GREB1: variants seen among roughly 807,000 people sequenced by gnomAD.
GREB1 encodes the protein protein GREB1.
In GREB1, 106 loss-of-function variants were observed where a neutral mutation model predicts 200.7. That is an observed-to-expected ratio of 0.53 (90% CI 0.45 to 0.62). GREB1 has a LOEUF of 0.62. Ranked by LOEUF, GREB1 falls within the 20% of genes least tolerant of loss-of-function variation. The pLI is 0.00. For missense variants in GREB1, 2,243 were observed against 2,556.8 expected (o/e 0.88, Z 2.65); for synonymous variants, 1,132 against 1,092.4 (o/e 1.04, Z -0.72).
intron 11 of GREB1, among the ~76,000 whole-genome samples, chr2:11,594,495 C>T (rs1681028305): frequency 6.6e-6 from 1 of 151,852 alleles, no homozygotes; most frequent in African/African-American, 2.4e-5. Context: ...GCTGGGACTA[C>T]AGGCGTGCAC....
At chr2:11,488,791 CA>C (rs11288876) in intron 1 of GREB1, among the ~76,000 whole-genome samples, 69,171 of 82,776 alleles carry the variant, frequency 0.84, 28,423 homozygotes, top group Middle Eastern at 0.97. Context: ...AACTCCGTCT[CA>C]AAAAAAAAAA....
At chr2:11,535,200 C>A in intron 1 of GREB1, among the ~76,000 whole-genome samples, 1 of 152,118 alleles carries the variant, frequency 6.6e-6, no homozygotes, top group Non-Finnish European at 1.5e-5. Flanking sequence ...ACTTGTCTGG[C>A]GTATCTGAGT....
intron 23 of GREB1, among the ~76,000 whole-genome samples, chr2:11,624,565 G>A (rs1365289002): frequency 1.3e-5 from 2 of 151,584 alleles, no homozygotes; most frequent in African/African-American, 2.4e-5. Flanking sequence ...GACTGGTCTC[G>A]AACTCCTGAC....
chr2:11,620,921 C>A lies in GREB1; in HGVS notation c.4061C>A (p.Ala1354Asp). 6.2e-7 allele frequency: 1 copy of A among 1,609,458 alleles called. No homozygotes were observed. The highest frequency in any genetic ancestry group is 8.5e-7 in the Non-Finnish European group (1 of 1,175,758). Residue 1354 changes from alanine to aspartate, a missense_variant, in exon 23 of 33, where the codon GCC (alanine) becomes GAC (aspartate). Physicochemically the swap from Ala to Asp is moderately radical, Grantham distance 126. This residue lies in a region of GREB1 where 587 missense variants were observed against 553.1 expected (regional missense o/e 1.06). Transcript: ENST00000381486. ...CCTTTACAGATCGGGAAGACAGGTGCCTACCTGCAGTTCCTCAGTGTCCTG... is the reference window on the plus strand; with the variant it reads ...CCTTTACAGATCGGGAAGACAGGTGACTACCTGCAGTTCCTCAGTGTCCTG... ...SGPPQIGKTG[A>D]YLQFLSVLSR...
chr2:11,522,015 G>A (rs1673721358), intron 1 of GREB1, among the ~76,000 whole-genome samples: 1 of 152,194 alleles, frequency 6.6e-6, no homozygotes, highest in Admixed American at 6.5e-5. Context: ...AAAATACGGA[G>A]TTGTCTGCAG....
Position 11,518,114 on chromosome 2 carries a change from A to G in GREB1, c.-159+35733A>G, listed in dbSNP as rs957982597. ...GATACAATAACTAACAAAATGGAAT[A>G]TGCATGCTAATTTTTAGGCAATAGT... On this transcript the variant is annotated intron_variant, in intron 1 of 2. Coordinates refer to the GREB1 transcript ENST00000628795. 5.9e-5 allele frequency among the ~76,000 whole-genome samples: 9 copies of G among 152,348 alleles called. No individual in the cohort carries two copies. The East Asian group carries it at 1.7e-3, about 29-fold the overall frequency.
intron 26 of GREB1, among the ~76,000 whole-genome samples, chr2:11,631,059 C>T (rs1024485096): frequency 2.6e-5 from 4 of 152,140 alleles, no homozygotes; most frequent in Non-Finnish European, 1.5e-5. Context: ...TTGGGTGTTG[C>T]GGTGAAATTC....
At chr2:11,598,933 G>T (rs532531367) in intron 15 of GREB1, 73 bp downstream of exon 15, 1 of 1,268,766 alleles carries the variant, frequency 7.9e-7, no homozygotes, top group South Asian at 1.3e-5. Flanking sequence ...GTTCCCGGGG[G>T]CTGAGGGTAC....
chr2:11,572,821 C>T (rs1558565471), intron 4 of GREB1, among the ~76,000 whole-genome samples: 1 of 151,982 alleles, frequency 6.6e-6, no homozygotes, highest in Admixed American at 6.6e-5. Flanking sequence ...ATCCTAACTC[C>T]AGCACTTTCT....
Position 11,637,787 on chromosome 2 carries a change from C to G in GREB1, c.5418C>G (p.Leu1806=). The change falls in exon 31 of 33, where the codon CTC becomes CTG. Residue 1806 remains leucine (L), a synonymous_variant. Transcript: ENST00000381486. Reference sequence around the variant, plus strand: ...CCCCGGACAGCAAGCACACGTTCCTCGCAGCGCCCGCCCAGCTCCTGCTGG... The same window carrying G: ...CCCCGGACAGCAAGCACACGTTCCTGGCAGCGCCCGCCCAGCTCCTGCTGG... ...ICAPDSKHTF[L]AAPAQLLLEK... 6.2e-7 allele frequency: 1 copy of G among 1,614,126 alleles called. No individual in the cohort carries two copies. Among genetic ancestry groups the G allele is most frequent in the Non-Finnish European group, 8.5e-7 (1 of 1,180,016 alleles).
At position 11,587,741 on chromosome 2, in the gene GREB1, A is replaced by ACACACACACGCGCGCG; in HGVS notation, c.1160-1004_1160-1003insACACACACGCGCGCGC. ...CACACACACACACACACACACACAC[A>ACACACACACGCGCGCG]CGCCACCTTTGGGAGCTCAGCAGCC... On this transcript the variant is annotated intron_variant, in intron 9 of 32. Transcript: ENST00000381486. The ACACACACACGCGCGCG allele has an allele frequency of 3.8e-3, 3,017 of 787,764 alleles. 238 individuals are homozygous for ACACACACACGCGCGCG. The highest frequency in any genetic ancestry group is 5.3e-3 in the South Asian group (119 of 22,644). 48.8% of individuals were successfully genotyped at this position (787,764 alleles called of 1,614,324 possible).
intron 1 of GREB1, among the ~76,000 whole-genome samples, chr2:11,495,784 A>T (rs952074261): frequency 2.1e-5 from 3 of 145,856 alleles, no homozygotes; most frequent in African/African-American, 8.0e-5. Flanking sequence ...CTTGGTTAGG[A>T]TAAGTCCCCC....
chr2:11,552,538 C>A (rs4669749), intron 1 of GREB1, among the ~76,000 whole-genome samples: 108,081 of 152,078 alleles, frequency 0.71, 38,602 homozygotes, highest in South Asian at 0.86. Flanking sequence ...GGTCAAATGA[C>A]GGATTCCAGT....
intron 15 of GREB1, 66 bp downstream of exon 15, chr2:11,598,926 C>A: frequency 7.5e-7 from 1 of 1,340,134 alleles, no homozygotes; most frequent in South Asian, 1.3e-5. Context: ...TGTGGATGTT[C>A]CCGGGGGCTG....
At chr2:11,514,976 A>G (rs1181116949) in intron 1 of GREB1, among the ~76,000 whole-genome samples, 1 of 151,692 alleles carries the variant, frequency 6.6e-6, no homozygotes, top group African/African-American at 2.4e-5. Context: ...CCATCCATCC[A>G]TCCATCCATC....
Position 11,492,318 on chromosome 2 carries a change from C to T in GREB1, c.-159+9937C>T, listed in dbSNP as rs1672790100. On this transcript the variant is annotated intron_variant, in intron 1 of 2. Transcript: ENST00000628795. The surrounding 1 kb of genome is among the most constrained non-coding windows in gnomAD (Gnocchi z 4.0). ...AAAACATCCCTCATTCTTTCTTCTC[C>T]AAACCCTCAGTGTGCTCTATCAAGA... Among the ~76,000 whole-genome samples the T allele has an allele frequency of 6.6e-6, 1 of 152,214 alleles. No homozygotes were observed. The highest frequency in any genetic ancestry group is 2.1e-4 in the South Asian group (1 of 4,838).
chr2:11,554,558 C>A (rs1415644177), intron 1 of GREB1, among the ~76,000 whole-genome samples: 1 of 152,146 alleles, frequency 6.6e-6, no homozygotes, highest in Non-Finnish European at 1.5e-5. Context: ...ACCGATGAAG[C>A]CAGTTTCATA....
intron 1 of GREB1, among the ~76,000 whole-genome samples, chr2:11,489,933 AATAACATAT>A (rs1458120998): frequency 1.4e-5 from 2 of 145,784 alleles, no homozygotes; most frequent in African/African-American, 5.2e-5. Flanking sequence ...ATTGTAGTAC[AATAACATAT>A]ATATTTATGT....
intron 1 of GREB1, among the ~76,000 whole-genome samples, chr2:11,485,291 G>A (rs1349511894): frequency 8.9e-6 from 1 of 112,346 alleles, no homozygotes; most frequent in Non-Finnish European, 1.8e-5. Flanking sequence ...TTTTTTTTTT[G>A]AGACAGAGTC....
Sources: gnomAD v4.1 joint callset for allele counts (sites outside exome capture counted in the v4.1 genomes callset) on GRCh38, gnomAD v4.1.1 for gene constraint, gnomAD v4.1.1 regional missense constraint, Gnocchi (gnomAD v3.1) non-coding constraint, MANE v1.5 for transcripts, NCBI Gene and HGNC (gene_info 2026-07-23, HGNC 2026-07-21) for gene names.